ARL14EPL: variants seen among roughly 807,000 people sequenced by gnomAD.
The protein encoded by ARL14EPL is ARL14 effector protein-like.
ARL14EPL carries 17 observed loss-of-function variants against 15.9 expected under a neutral mutation model. The ratio of observed to expected loss-of-function variants is 1.07; its 90% CI spans 0.73 to 1.60. The LOEUF is 1.60. Ranked by LOEUF, ARL14EPL falls within the 40% of genes most tolerant of loss-of-function variation. The pLI, the probability that ARL14EPL is intolerant of heterozygous loss-of-function variation, is 0.00. For missense variants in ARL14EPL, 214 were observed against 185.9 expected (o/e 1.15, Z -0.88); for synonymous variants, 78 against 63.8 (o/e 1.22, Z -1.06).
intron 1 of ARL14EPL, among the ~76,000 whole-genome samples, chr5:116,046,876 G>A (rs376458137): frequency 6.6e-6 from 1 of 152,122 alleles, no homozygotes. Context: ...TCTTTGGGAG[G>A]TAATTAAGTT....
chr5:116,053,243 A>T (rs540761149), intron 2 of ARL14EPL, among the ~76,000 whole-genome samples: 1 of 151,912 alleles, frequency 6.6e-6, no homozygotes, highest in African/African-American at 2.4e-5. Flanking sequence ...TCCCACCTAC[A>T]TGGGAGGCTG....
At chr5:116,048,847 T>C (rs752855221) in intron 1 of ARL14EPL, among the ~76,000 whole-genome samples, 10 of 152,126 alleles carry the variant, frequency 6.6e-5, no homozygotes, top group African/African-American at 1.9e-4. Context: ...AGTATTTTAA[T>C]AGGAATGAGA....
chr5:116,040,935 G>C (rs1418920935), intron 1 of ARL14EPL, among the ~76,000 whole-genome samples: 2 of 131,338 alleles, frequency 1.5e-5, no homozygotes, highest in African/African-American at 6.0e-5. Flanking sequence ...AGCTGAAATA[G>C]CGCCACTGCA....
At chr5:116,048,448 A>T (rs1054773838) in intron 1 of ARL14EPL, among the ~76,000 whole-genome samples, 2 of 152,142 alleles carry the variant, frequency 1.3e-5, no homozygotes, top group African/African-American at 4.8e-5. Flanking sequence ...TTTGGCAGAC[A>T]GTGATATCTA....
At position 116,055,338 on chromosome 5, in the gene ARL14EPL, G is replaced by T. The variant is rs1391935606; in HGVS notation, c.236+1185G>T. On this transcript the variant is annotated intron_variant, in intron 3 of 3. Coordinates refer to ENST00000686077, the MANE Select transcript of ARL14EPL (RefSeq NM_001195581.2). ...ATATCTTGGAAAAAGTCTAATACAT[G>T]TATAGGGAGATATGTTTAAGAAGTT... 2.6e-5 allele frequency among the ~76,000 whole-genome samples: 4 copies of T among 152,184 alleles called. No individual in the cohort carries two copies. In the East Asian group the frequency reaches 5.8e-4, roughly 22 times the overall value.
intron 1 of ARL14EPL, among the ~76,000 whole-genome samples, chr5:116,045,254 C>T (rs1470594876): frequency 2.0e-5 from 3 of 152,122 alleles, no homozygotes; most frequent in Middle Eastern, 3.4e-3. Context: ...CATAATAGGG[C>T]CATTGGGATT....
intron 1 of ARL14EPL, among the ~76,000 whole-genome samples, chr5:116,036,877 T>C (rs1749058026): frequency 6.6e-6 from 1 of 152,134 alleles, no homozygotes; most frequent in African/African-American, 2.4e-5. Context: ...AGTACTAAAT[T>C]TATTGATGCA....
chr5:116,040,191 A>C (rs1749122861), intron 1 of ARL14EPL, among the ~76,000 whole-genome samples: 2 of 152,142 alleles, frequency 1.3e-5, no homozygotes, highest in African/African-American at 4.8e-5. Flanking sequence ...GGTCAAAGAT[A>C]ATGTCTATTT....
intron 1 of ARL14EPL, among the ~76,000 whole-genome samples, chr5:116,041,217 C>T (rs982979898): frequency 1.3e-5 from 2 of 152,024 alleles, no homozygotes; most frequent in African/African-American, 2.4e-5. Flanking sequence ...AGTTCTTTGT[C>T]TATTACATTC....
At chr5:116,040,814 CA>C (rs58840428) in intron 1 of ARL14EPL, among the ~76,000 whole-genome samples, 5,012 of 106,474 alleles carry the variant, frequency 0.047, 242 homozygotes, top group African/African-American at 0.13. Flanking sequence ...ACTAAAAATA[CA>C]AAAAAAAAAA....
At chr5:116,052,160 T>G in intron 2 of ARL14EPL, 1 of 1,611,130 alleles carries the variant, frequency 6.2e-7, no homozygotes, top group East Asian at 2.2e-5. Context: ...GTTATTGAGC[T>G]TGTCCCGAAC....
At chr5:116,052,351 A>G in intron 2 of ARL14EPL, 1 of 858,434 alleles carries the variant, frequency 1.2e-6, no homozygotes. Context: ...AAAGCTACAA[A>G]TGTTTTTATT....
chr5:116,046,023 G>A (rs1007731363), intron 1 of ARL14EPL, among the ~76,000 whole-genome samples: 2 of 152,142 alleles, frequency 1.3e-5, no homozygotes, highest in African/African-American at 4.8e-5. Context: ...TTGACCACCT[G>A]CACAGGCGTC....
intron 1 of ARL14EPL, among the ~76,000 whole-genome samples, chr5:116,040,639 C>A (rs1422127203): frequency 6.6e-6 from 1 of 150,846 alleles, no homozygotes. Flanking sequence ...TAATTTAATT[C>A]TTTTAATATA....
chr5:116,058,940 C>A lies in ARL14EPL; in HGVS notation c.452C>A (p.Pro151His), dbSNP rs1473522015. 6.5e-7 allele frequency: 1 copy of A among 1,535,936 alleles called. No individual in the cohort carries two copies. The highest frequency in any genetic ancestry group is 1.2e-5 in the South Asian group (1 of 84,048). The change falls in exon 4 of 4, where the codon CCT (proline) becomes CAT (histidine). Residue 151 changes from proline (P) to histidine (H), a missense_variant. By Grantham distance (77) the Pro-to-His change is moderately conservative. Transcript: ENST00000686077. ...EVISTLPFNV[P>H]D is the part of the protein sequence containing the mutation. ...ATCAGCACGCTGCCGTTTAATGTTC[C>A]TGACTAGGTGCTCTTGTATATGGAC...
At chr5:116,042,061 G>A (rs1322127378) in intron 1 of ARL14EPL, among the ~76,000 whole-genome samples, 2 of 152,042 alleles carry the variant, frequency 1.3e-5, no homozygotes, top group East Asian at 3.9e-4. Context: ...GAATGTCTGG[G>A]TGCAGGCAAT....
intron 1 of ARL14EPL, among the ~76,000 whole-genome samples, chr5:116,040,971 T>C (rs1471379050): frequency 5.8e-4 from 10 of 17,368 alleles, no homozygotes; most frequent in Admixed American, 1.9e-3. Flanking sequence ...CAGAACGAGA[T>C]TCCCTCTCAA....
rs1554077664 is a variant in ARL14EPL, at chr5:116,040,905, C to CG, written c.-10+8400_-10+8401insG. ...CTGAGGCAGGAGAATCGCATGAACC[C>CG]AGAGGTGGAGCTTGCAGTGAGCTGA... is the stretch of plus-strand genomic sequence containing the variant. On this transcript the variant is annotated intron_variant, in intron 1 of 3. Coordinates refer to ENST00000686077, the MANE Select transcript of ARL14EPL (RefSeq NM_001195581.2). Among the ~76,000 whole-genome samples the CG allele has an allele frequency of 6.6e-5, 9 of 136,938 alleles. No individual in the cohort carries two copies. The South Asian group carries it at 6.8e-4, about 10-fold the overall frequency. The allele number at this position is 136,938 out of a possible 152,430, so 89.8% of individuals were successfully genotyped here.
intron 1 of ARL14EPL, among the ~76,000 whole-genome samples, chr5:116,038,027 A>C (rs2662457): frequency 0.52 from 78,976 of 151,982 alleles, 22,203 homozygotes; most frequent in African/African-American, 0.75. Context: ...CAGCAGGAAT[A>C]TTATGCTCCA....
Sources: allele counts gnomAD v4.1 joint callset (sites outside exome capture counted in the v4.1 genomes callset), GRCh38; gene constraint gnomAD v4.1.1; transcripts MANE v1.5; gene names NCBI Gene and HGNC (gene_info 2026-07-23, HGNC 2026-07-21).